SPIDR: variants seen among roughly 807,000 people sequenced by gnomAD.
SPIDR encodes scaffold protein involved in DNA repair.
In SPIDR, 93 loss-of-function variants were observed where a neutral mutation model predicts 104.6. The observed-to-expected ratio is 0.89, with a 90% confidence interval of 0.75 to 1.06. SPIDR has a LOEUF of 1.06. Among genes scored for constraint, SPIDR ranks in the 50% least tolerant of loss-of-function variants. The pLI is 0.00. For missense variants in SPIDR, 1,154 were observed against 1,111.2 expected, an observed-to-expected ratio of 1.04 and a Z score of -0.55; for synonymous variants, 431 against 416.9, an observed-to-expected ratio of 1.03 and a Z score of -0.41.
chr8:47,290,990 A>G, intron 3 of SPIDR, 43 bp from the exon 4 acceptor site: 1 of 1,459,506 alleles, frequency 6.9e-7, no homozygotes, highest in East Asian at 2.3e-5. Flanking sequence ...ATAAATGACC[A>G]TATAAGGAGA....
At chr8:47,626,788 T>G (rs2066200210) in intron 10 of SPIDR, among the ~76,000 whole-genome samples, 1 of 152,168 alleles carries the variant, frequency 6.6e-6, no homozygotes, top group African/African-American at 2.4e-5. Flanking sequence ...ACACTGTTGG[T>G]GGGACTGTAA....
At chr8:47,516,687 T>TA (rs2083211668) in intron 8 of SPIDR, among the ~76,000 whole-genome samples, 1 of 152,218 alleles carries the variant, frequency 6.6e-6, no homozygotes, top group South Asian at 2.1e-4. Flanking sequence ...TCCTGTGAAA[T>TA]ATTAGGTTTG....
At chr8:47,446,364 TAAGC>T (rs1388621902) in intron 8 of SPIDR, among the ~76,000 whole-genome samples, 3 of 152,218 alleles carry the variant, frequency 2.0e-5, no homozygotes, top group Admixed American at 6.5e-5. Flanking sequence ...GTGAATACTT[TAAGC>T]CAAACTTTTG....
chr8:47,451,930 AATCTGAACCAGGATTGTGGAGCT>A (rs2154348904), intron 8 of SPIDR, among the ~76,000 whole-genome samples: 1 of 152,324 alleles, frequency 6.6e-6, no homozygotes, highest in East Asian at 1.9e-4. Flanking sequence ...TGGTCCCAGC[AATCTGAACCAGGATTGTGGAGCT>A]AGGGAATGTG....
At chr8:47,293,483 G>T (rs1207750052) in intron 4 of SPIDR, among the ~76,000 whole-genome samples, 4 of 152,162 alleles carry the variant, frequency 2.6e-5, no homozygotes, top group African/African-American at 9.7e-5. Context: ...GTCTCGTTCT[G>T]TTGCCCAGGC....
chr8:47,320,541 C>G (rs2154261555), intron 5 of SPIDR, among the ~76,000 whole-genome samples: 1 of 152,304 alleles, frequency 6.6e-6, no homozygotes, highest in Non-Finnish European at 1.5e-5. Flanking sequence ...GGTACCATTC[C>G]TTCTGAAACT....
chr8:47,596,864 G>A (rs186751475), intron 9 of SPIDR, among the ~76,000 whole-genome samples: 4 of 141,792 alleles, frequency 2.8e-5, no homozygotes, highest in Admixed American at 6.9e-5. Flanking sequence ...AACTTTTTTT[G>A]TTGTAAACTA....
chr8:47,286,753 G>A (rs1253753175), intron 3 of SPIDR, among the ~76,000 whole-genome samples: 2 of 152,208 alleles, frequency 1.3e-5, no homozygotes, highest in African/African-American at 4.8e-5. Context: ...TGGAGGAACT[G>A]CTTTCAAAAA....
At chr8:47,604,122 T>A (rs1445061734) in intron 10 of SPIDR, among the ~76,000 whole-genome samples, 2 of 152,134 alleles carry the variant, frequency 1.3e-5, no homozygotes, top group African/African-American at 4.8e-5. Flanking sequence ...CAAGTTGCAA[T>A]AAGTACCCTG....
chr8:47,455,099 C>T (rs782316501), intron 8 of SPIDR, among the ~76,000 whole-genome samples: 1 of 152,026 alleles, frequency 6.6e-6, no homozygotes, highest in Non-Finnish European at 1.5e-5. Flanking sequence ...GCCAATGTTA[C>T]TGTGCTTTTG....
At chr8:47,727,343 A>C (rs1431920152) in intron 17 of SPIDR, 50 bp downstream of exon 17, 1 of 1,567,264 alleles carries the variant, frequency 6.4e-7, no homozygotes, top group Non-Finnish European at 8.8e-7. Context: ...AAGGGCACAG[A>C]AGCAACCCAG....
chr8:47,413,888 G>A (rs946231811), intron 7 of SPIDR, among the ~76,000 whole-genome samples: 1 of 152,196 alleles, frequency 6.6e-6, no homozygotes, highest in African/African-American at 2.4e-5. Flanking sequence ...CTGTCAAGTC[G>A]AAGTTTGTTA....
Position 47,735,287 on chromosome 8 carries a change from C to G in SPIDR, c.2605-20C>G. On this transcript the variant is annotated intron_variant, in intron 19 of 19. Coordinates refer to ENST00000297423, the MANE Select transcript of SPIDR (RefSeq NM_001080394.4). ...GTCCCAGGCTGTTTGCTTTAACCAG[C>G]GTGCCTTTTATCACTGCAGAGCTAC... 6.2e-7 allele frequency: 1 copy of G among 1,612,262 alleles called. No homozygotes were observed. The highest frequency in any genetic ancestry group is 8.5e-7 in the Non-Finnish European group (1 of 1,178,430).
intron 5 of SPIDR, among the ~76,000 whole-genome samples, chr8:47,345,992 A>G (rs1002180889): frequency 6.6e-6 from 1 of 152,196 alleles, no homozygotes; most frequent in Non-Finnish European, 1.5e-5. Flanking sequence ...CAGAATTTCT[A>G]ACACTATGTT....
chr8:47,600,372 T>C (rs999198448), intron 10 of SPIDR, among the ~76,000 whole-genome samples: 2 of 152,020 alleles, frequency 1.3e-5, no homozygotes, highest in African/African-American at 4.8e-5. Context: ...GACAATGCAA[T>C]CATCCTATCA....
In SPIDR at chr8:47,503,085, T is replaced by A. The variant is rs180726163; in HGVS notation, c.1097+62543T>A. On this transcript the variant is annotated intron_variant, in intron 8 of 19. Transcript: ENST00000297423. ...TGTGGTCAGTTTTGGAATAGGTGTG[T>A]TGTGGTGCTGAAAAGAATGTATATT... 2.0e-5 allele frequency among the ~76,000 whole-genome samples: 3 copies of A among 152,186 alleles called. 1 individual carries two copies. Among genetic ancestry groups the A allele is most frequent in the African/African-American group, 4.8e-5 (2 of 41,562 alleles).
chr8:47,358,359 A>T (rs1257264237), intron 5 of SPIDR, among the ~76,000 whole-genome samples: 1 of 152,214 alleles, frequency 6.6e-6, no homozygotes, highest in Non-Finnish European at 1.5e-5. Flanking sequence ...AGTTGCTAGG[A>T]TCACAGATGT....
chr8:47,488,460 C>G (rs1160665425), intron 8 of SPIDR, among the ~76,000 whole-genome samples: 1 of 152,134 alleles, frequency 6.6e-6, no homozygotes, highest in Non-Finnish European at 1.5e-5. Context: ...TGAAACTATT[C>G]CAATCAACAG....
chr8:47,598,629 T>A (rs1390475476), intron 9 of SPIDR, among the ~76,000 whole-genome samples: 1 of 152,180 alleles, frequency 6.6e-6, no homozygotes, highest in Admixed American at 6.5e-5. Context: ...AAGAGAAAAA[T>A]TTATTGAATT....
Sources: gnomAD v4.1 joint callset for allele counts (sites outside exome capture counted in the v4.1 genomes callset) on GRCh38, gnomAD v4.1.1 for gene constraint, MANE v1.5 for transcripts, NCBI Gene and HGNC (gene_info 2026-07-23, HGNC 2026-07-21) for gene names.